The following VWDE variants were observed in gnomAD, a reference collection of about 807,000 sequenced individuals.
VWDE encodes von Willebrand factor D and EGF domains.
Under a neutral mutation model 178.4 loss-of-function variants are expected in VWDE, and 207 were observed. The ratio of observed to expected loss-of-function variants is 1.16; its 90% confidence interval spans 1.04 to 1.30. The LOEUF is 1.30. VWDE is among the 50% of genes most tolerant of loss of function. VWDE has a pLI of 0.00. For missense variants in VWDE, 2,287 were observed against 1,901.3 expected, an observed-to-expected ratio of 1.20 and a Z score of -3.77; for synonymous variants, 738 against 651.4, an observed-to-expected ratio of 1.13 and a Z score of -2.02.
rs1780684259 is a variant in VWDE at position 12,330,952 on chromosome 7, AAT to A, written c.*229_*230del. On this transcript the variant is annotated 3_prime_UTR_variant, in exon 29 of 29. Transcript: ENST00000275358. Reference sequence around the variant, plus strand: ...GGTGGAATATCAGATACATCATCTCAATATGTAAATATCCTATCCCATCTCAA... The same window carrying A: ...GGTGGAATATCAGATACATCATCTCAATGTAAATATCCTATCCCATCTCAA... The A allele has an allele frequency of 2.2e-6, 1 of 445,994 alleles. No individual in the cohort carries two copies. The highest frequency in any genetic ancestry group is 4.0e-6 in the Non-Finnish European group (1 of 249,792). 27.6% of individuals were successfully genotyped at this position (445,994 alleles called of 1,614,324 possible).
At position 12,331,852 on chromosome 7, in the gene VWDE, A is replaced by G. The variant is rs372944857; in HGVS notation, c.4759-655T>C. Among the ~76,000 whole-genome samples, 242 of 151,924 alleles carry G rather than the reference A, an allele frequency of 1.6e-3. 2 individuals are homozygous for G. Among genetic ancestry groups the G allele is most frequent in the African/African-American group, 5.5e-3 (228 of 41,448 alleles). On this transcript the variant is annotated intron_variant, in intron 28 of 28. Transcript: ENST00000275358. ...GCTTCTCAAAGCCTTTTATCAACCC[A>G]CCCTCTTTAGCACCTTTTTCTTCCT...
chr7:12,386,788 T>A (rs1784118925), intron 3 of VWDE, among the ~76,000 whole-genome samples: 1 of 152,196 alleles, frequency 6.6e-6, no homozygotes, highest in Non-Finnish European at 1.5e-5. Context: ...ATATTTTCAT[T>A]CATCAATTGC....
chr7:12,378,848 T>C (rs574979694), intron 6 of VWDE, among the ~76,000 whole-genome samples: 1 of 152,338 alleles, frequency 6.6e-6, no homozygotes, highest in African/African-American at 2.4e-5. Context: ...TATCTCATCT[T>C]GTCCTTGAAC....
chr7:12,357,180 G>C, intron 17 of VWDE, 85 bp downstream of exon 17: 1 of 1,458,066 alleles, frequency 6.9e-7, no homozygotes, highest in Non-Finnish European at 9.2e-7. Flanking sequence ...TTTACAACTA[G>C]CAATATGGCT....
intron 27 of VWDE, among the ~76,000 whole-genome samples, chr7:12,334,939 G>A (rs1327062143): frequency 6.6e-6 from 1 of 151,990 alleles, no homozygotes; most frequent in African/African-American, 2.4e-5. Context: ...CATATCTTAT[G>A]TAAATACCAG....
At chr7:12,357,798 G>T (rs1782342589) in intron 16 of VWDE, among the ~76,000 whole-genome samples, 1 of 151,978 alleles carries the variant, frequency 6.6e-6, no homozygotes, top group African/African-American at 2.4e-5. Context: ...TGGCCACACT[G>T]GATGCTGCAC....
At chr7:12,341,991 C>T in intron 23 of VWDE, 68 bp downstream of exon 23, 8 of 1,274,892 alleles carry the variant, frequency 6.3e-6, no homozygotes, top group East Asian at 2.5e-5. Flanking sequence ...CTTAGGTGCA[C>T]GTCTTCAGGA....
At chr7:12,401,147 A>T (rs1201391968) in intron 1 of VWDE, among the ~76,000 whole-genome samples, 1 of 152,110 alleles carries the variant, frequency 6.6e-6, no homozygotes, top group Non-Finnish European at 1.5e-5. Context: ...TAAAATCAGG[A>T]ATAAGACAAG....
At position 12,336,088 on chromosome 7, in the gene VWDE, A is replaced by G. The variant is rs1781008502; in HGVS notation, c.4654+53T>C. ...GTCCTAAAGCTATACTTTAATTATTATAACAGATTCCAATTCAGAACATAT... is the reference window on the plus strand; with the variant it reads ...GTCCTAAAGCTATACTTTAATTATTGTAACAGATTCCAATTCAGAACATAT... On this transcript the variant is annotated intron_variant, in intron 27 of 28. Coordinates refer to ENST00000275358, the MANE Select transcript of VWDE (RefSeq NM_001135924.3). 9.0e-6 allele frequency: 13 copies of G among 1,441,678 alleles called. No individual in the cohort carries two copies. In the South Asian group the frequency reaches 1.6e-4, roughly 18 times the overall value. 89.3% of individuals were successfully genotyped at this position (1,441,678 alleles called of 1,614,324 possible). A position where few individuals can be genotyped will look rare whatever the true frequency, so the allele number is the denominator to read the frequency against.
chr7:12,368,292 T>C lies in VWDE; in HGVS notation c.2762-799A>G, dbSNP rs1355438423. Among the ~76,000 whole-genome samples the C allele has an allele frequency of 2.7e-5, 4 of 150,864 alleles. No individual in the cohort carries two copies. The East Asian group carries it at 7.7e-4, about 29-fold the overall frequency. On this transcript the variant is annotated intron_variant, in intron 12 of 28. Transcript: ENST00000275358. ...TATATTACATAATTGTTTTCAGGAA[T>C]ATAGAAAAAATTATATTAACTATAT... is the stretch of plus-strand genomic sequence containing the variant.
At chr7:12,378,902 T>C (rs1417234763) in intron 6 of VWDE, among the ~76,000 whole-genome samples, 2 of 152,160 alleles carry the variant, frequency 1.3e-5, no homozygotes, top group Non-Finnish European at 2.9e-5. Flanking sequence ...GGGTGAGACC[T>C]TCCAGGTTCA....
At chr7:12,350,827 T>C (rs1021923302) in intron 19 of VWDE, among the ~76,000 whole-genome samples, 2 of 152,100 alleles carry the variant, frequency 1.3e-5, no homozygotes, top group East Asian at 1.9e-4. Context: ...AAAAAATGTC[T>C]GCCTAGTGCC....
Position 12,380,507 on chromosome 7 carries a change from T to C in VWDE, c.768A>G (p.Ile256Met), listed in dbSNP as rs1460135194. ...QAFSLLELDG[I>M]NLRLGDRIFC... ...ATACCCTGTCTCCAAGTCTGAGATT[T>C]ATGCCATCAAGTTCTAAAAGAGAGA... The change falls in exon 5 of 29, where the codon ATA becomes ATG. Residue 256 changes from isoleucine to methionine, a missense_variant. Transcript: ENST00000275358. 3 of 1,551,782 alleles carry C rather than the reference T, an allele frequency of 1.9e-6. No individual in the cohort carries two copies. In the Admixed American group the frequency reaches 5.9e-5, roughly 30 times the overall value.
chr7:12,393,437 T>C (rs1208137501), intron 2 of VWDE, among the ~76,000 whole-genome samples, 157 bp downstream of exon 2: 1 of 152,172 alleles, frequency 6.6e-6, no homozygotes, highest in East Asian at 1.9e-4. Context: ...ACTATTATTA[T>C]TAGACTAGGT....
At chr7:12,364,277 T>A (rs986788557) in intron 13 of VWDE, among the ~76,000 whole-genome samples, 1 of 151,992 alleles carries the variant, frequency 6.6e-6, no homozygotes, top group Non-Finnish European at 1.5e-5. Context: ...CCAAGAAGGA[T>A]TAACTACCCT....
intron 17 of VWDE, among the ~76,000 whole-genome samples, chr7:12,356,568 T>TA (rs375597103): frequency 0.017 from 2,571 of 150,972 alleles, 63 homozygotes; most frequent in African/African-American, 0.06. Context: ...ATAACTTTTC[T>TA]AAAAAAAAAG....
intron 2 of VWDE, among the ~76,000 whole-genome samples, chr7:12,391,859 T>TAG (rs1784405546): frequency 6.6e-6 from 1 of 152,150 alleles, no homozygotes; most frequent in African/African-American, 2.4e-5. Flanking sequence ...TATGATGTGA[T>TAG]CTCTCTCCAG....
At chr7:12,343,616 C>T (rs1207337385) in intron 21 of VWDE, among the ~76,000 whole-genome samples, 2 of 152,066 alleles carry the variant, frequency 1.3e-5, no homozygotes, top group Non-Finnish European at 2.9e-5. Flanking sequence ...TCAGCTTATC[C>T]ATAATTATAT....
chr7:12,386,953 T>A (rs1002866713), intron 3 of VWDE, among the ~76,000 whole-genome samples: 1 of 152,216 alleles, frequency 6.6e-6, no homozygotes, highest in Non-Finnish European at 1.5e-5. Context: ...ATTATTATAC[T>A]TGTGGAATAC....
Sources: allele counts gnomAD v4.1 joint callset (sites outside exome capture counted in the v4.1 genomes callset), GRCh38; gene constraint gnomAD v4.1.1; transcripts MANE v1.5; gene names NCBI Gene and HGNC (gene_info 2026-07-23, HGNC 2026-07-21).